The following PLXDC2 variants were observed in gnomAD, a reference collection of about 807,000 sequenced individuals.
PLXDC2 encodes plexin domain-containing protein 2.
A neutral mutation model predicts 68.9 loss-of-function variants in PLXDC2; 40 were observed. The ratio of observed to expected loss-of-function variants is 0.58; its 90% CI spans 0.45 to 0.76. The LOEUF is 0.76. PLXDC2 is among the 30% of genes least tolerant of loss of function. The pLI, the probability that PLXDC2 is intolerant of heterozygous loss-of-function variation, is 0.00. For synonymous variants in PLXDC2, 243 were observed against 234.2 expected (o/e 1.04, Z -0.34); for missense variants, 644 against 661.9 (o/e 0.97, Z 0.30).
intron 1 of PLXDC2, among the ~76,000 whole-genome samples, chr10:19,820,279 A>G (rs1836438994): frequency 6.6e-6 from 1 of 152,178 alleles, no homozygotes; most frequent in Non-Finnish European, 1.5e-5. Flanking sequence ...GAAAGATAAT[A>G]ATTTTGCTCC....
intron 7 of PLXDC2, among the ~76,000 whole-genome samples, chr10:20,165,224 T>A (rs906335048): frequency 5.3e-5 from 8 of 152,294 alleles, no homozygotes; most frequent in Non-Finnish European, 1.0e-4. Flanking sequence ...TTTTCATATA[T>A]GTTTGGCTTA....
At chr10:20,183,581 A>G (rs577013681) in intron 9 of PLXDC2, among the ~76,000 whole-genome samples, 11 of 151,940 alleles carry the variant, frequency 7.2e-5, no homozygotes, top group Non-Finnish European at 1.2e-4. Context: ...CAGAAGGAGG[A>G]ACCAGCAAAG....
intron 6 of PLXDC2, among the ~76,000 whole-genome samples, chr10:20,156,372 C>T (rs80028211): frequency 0.027 from 4,115 of 152,098 alleles, 74 homozygotes; most frequent in Non-Finnish European, 0.032. Flanking sequence ...GATATGTTGC[C>T]GACATCTAAA....
chr10:20,027,489 G>A (rs1054691226), intron 2 of PLXDC2, among the ~76,000 whole-genome samples: 1 of 152,044 alleles, frequency 6.6e-6, no homozygotes, highest in African/African-American at 2.4e-5. Context: ...GGACTTTGTA[G>A]CCTCCAGAAC....
rs1200528540 is a variant in PLXDC2, at chr10:20,161,486, C to A, written c.784-2982C>A. Among the ~76,000 whole-genome samples the A allele has an allele frequency of 2.0e-5, 3 of 150,130 alleles. No individual in the cohort carries two copies. In the East Asian group the frequency reaches 5.9e-4, roughly 29 times the overall value. On this transcript the variant is annotated intron_variant, in intron 6 of 13. Transcript: ENST00000377252. ...TTTTTTGCTTCAAGCTTCCTGCTCTCCTCTTTTGCCATATTATTGAGCCTG... is the reference window on the plus strand; with the variant it reads ...TTTTTTGCTTCAAGCTTCCTGCTCTACTCTTTTGCCATATTATTGAGCCTG...
At chr10:19,995,549 G>T (rs1217150008) in intron 1 of PLXDC2, among the ~76,000 whole-genome samples, 1 of 152,190 alleles carries the variant, frequency 6.6e-6, no homozygotes, top group Non-Finnish European at 1.5e-5. Flanking sequence ...AAATCCCATT[G>T]TTTGTCCGGT....
intron 12 of PLXDC2, among the ~76,000 whole-genome samples, chr10:20,222,265 A>G (rs1275885918): frequency 1.3e-5 from 2 of 152,188 alleles, no homozygotes; most frequent in African/African-American, 4.8e-5. Context: ...TGATTTTCTT[A>G]ATGGGATCCA....
intron 1 of PLXDC2, among the ~76,000 whole-genome samples, chr10:19,886,651 A>C (rs1466506649): frequency 6.6e-6 from 1 of 152,214 alleles, no homozygotes; most frequent in African/African-American, 2.4e-5. Context: ...ATCTATGACA[A>C]ACCCACAGCC....
chr10:20,088,246 T>C (rs1170136047), intron 4 of PLXDC2, among the ~76,000 whole-genome samples: 1 of 152,178 alleles, frequency 6.6e-6, no homozygotes, highest in Non-Finnish European at 1.5e-5. Context: ...CCAATGCTTA[T>C]TTTACATAGC....
intron 4 of PLXDC2, among the ~76,000 whole-genome samples, chr10:20,128,000 G>A (rs1258540222): frequency 1.3e-5 from 2 of 152,158 alleles, no homozygotes; most frequent in Non-Finnish European, 2.9e-5. Flanking sequence ...ATCCCAAATG[G>A]GTTATGTAGG....
rs151279825 is a variant in PLXDC2, at chr10:20,285,873, C to T, written c.*6054C>T. The T allele has an allele frequency of 2.6e-3, 403 of 152,282 alleles. 1 individual carries two copies. The highest frequency in any genetic ancestry group is 9.4e-3 in the African/African-American group (389 of 41,562). 9.4% of individuals were successfully genotyped at this position (152,282 alleles called of 1,614,324 possible). On this transcript the variant is annotated 3_prime_UTR_variant, in exon 14 of 14. Coordinates refer to ENST00000377252, the MANE Select transcript of PLXDC2 (RefSeq NM_032812.9). Reference sequence around the variant, plus strand: ...CAGCCTCAAATGTGTCTATAATTTCCTGTTCTACCATTGTCATATCATAAC... The same window carrying T: ...CAGCCTCAAATGTGTCTATAATTTCTTGTTCTACCATTGTCATATCATAAC...
chr10:19,962,107 T>G (rs1027767689), intron 1 of PLXDC2, among the ~76,000 whole-genome samples: 2 of 152,178 alleles, frequency 1.3e-5, no homozygotes, highest in African/African-American at 2.4e-5. Flanking sequence ...TTTCTTGCCA[T>G]AAAGCTAAAA....
At position 20,106,588 on chromosome 10, in the gene PLXDC2, G is replaced by A. The variant is rs116496875; in HGVS notation, c.542-36707G>A. 7.9e-3 allele frequency among the ~76,000 whole-genome samples: 1,208 copies of A among 152,208 alleles called. 11 individuals are homozygous for A. Among genetic ancestry groups the A allele is most frequent in the African/African-American group, 0.025 (1,053 of 41,508 alleles). On this transcript the variant is annotated intron_variant, in intron 4 of 13. Coordinates refer to ENST00000377252, the MANE Select transcript of PLXDC2 (RefSeq NM_032812.9). Reference sequence around the variant, plus strand: ...ATTGTGCATGTGGGAAGAACAGGAGGGGGGAGCTGTCATAGGACCTTTCAG... The same window carrying A: ...ATTGTGCATGTGGGAAGAACAGGAGAGGGGAGCTGTCATAGGACCTTTCAG...
At chr10:20,149,224 CTTTTCTTTTT>C (rs1834119718) in intron 6 of PLXDC2, among the ~76,000 whole-genome samples, 7 of 20,078 alleles carry the variant, frequency 3.5e-4, no homozygotes, top group African/African-American at 9.2e-4. Context: ...CTTTTTTTTT[CTTTTCTTTTT>C]TTTTTTTTTT....
chr10:20,017,983 C>G (rs1010687834), intron 2 of PLXDC2, among the ~76,000 whole-genome samples: 1 of 152,246 alleles, frequency 6.6e-6, no homozygotes, highest in Non-Finnish European at 1.5e-5. Flanking sequence ...CATTACCCAG[C>G]TGTGGAGGAT....
intron 7 of PLXDC2, among the ~76,000 whole-genome samples, chr10:20,175,081 G>T (rs979802655): frequency 6.6e-6 from 1 of 152,062 alleles, no homozygotes; most frequent in Admixed American, 6.6e-5. Context: ...CAGTGAGTTT[G>T]GATCTATAGA....
intron 9 of PLXDC2, among the ~76,000 whole-genome samples, chr10:20,203,890 C>T (rs1484183731): frequency 6.6e-6 from 1 of 152,118 alleles, no homozygotes; most frequent in Non-Finnish European, 1.5e-5. Context: ...TTCTTATGAA[C>T]ATTGGATTAT....
At chr10:20,260,629 C>G (rs1255981066) in intron 13 of PLXDC2, among the ~76,000 whole-genome samples, 1 of 152,178 alleles carries the variant, frequency 6.6e-6, no homozygotes, top group East Asian at 1.9e-4. Context: ...CATGTTTTGG[C>G]CACTATGAAT....
intron 13 of PLXDC2, among the ~76,000 whole-genome samples, chr10:20,252,042 T>C (rs998994858): frequency 2.0e-5 from 3 of 152,010 alleles, no homozygotes; most frequent in East Asian, 3.9e-4. Context: ...GTTCAAATGA[T>C]TAATTTAAAA....
Sources: allele counts gnomAD v4.1 joint callset (sites outside exome capture counted in the v4.1 genomes callset), GRCh38; gene constraint gnomAD v4.1.1; transcripts MANE v1.5; gene names NCBI Gene and HGNC (gene_info 2026-07-23, HGNC 2026-07-21).